NEB: variants seen among roughly 807,000 people sequenced by gnomAD.
NEB encodes nemaline myopathy type 2.
NEB carries 512 observed loss-of-function variants against 952.2 expected under a neutral mutation model. That is an observed-to-expected ratio of 0.54 (90% CI 0.50 to 0.58). The LOEUF is 0.58. NEB is among the 20% of genes least tolerant of loss of function. NEB has a pLI of 0.00. For missense variants in NEB, 8,428 were observed against 9,231.1 expected (o/e 0.91, Z 3.56); for synonymous variants, 2,900 against 3,149.8 (o/e 0.92, Z 2.66).
intron 126 of NEB, 27 bp from the exon 127 acceptor site, chr2:151,553,529 GAA>G: frequency 7.2e-7 from 1 of 1,394,228 alleles, no homozygotes; most frequent in Non-Finnish European, 9.9e-7. Flanking sequence ...GAAAGGATCA[GAA>G]AAAAAAAATT....
rs2058043130 is a variant in NEB at position 151,493,389 on chromosome 2, C to T, written c.24729G>A (p.Met8243Ile). ...TTTCTTGGTTGCGCTTAGCTCTCTC[C>T]ATCTCTGGAGTAACAGGTGTCGGAG... ...KATPTPVTPEMERAKRNQENI... is the reference protein window; with the variant it reads ...KATPTPVTPEIERAKRNQENI... The change falls in exon 176 of 182, where the codon ATG becomes ATA. Residue 8243 changes from methionine to isoleucine, a missense_variant. This residue lies in a region of NEB where 3,374 missense variants were observed against 3,651.5 expected (regional missense o/e 0.92). Coordinates refer to ENST00000397345, the MANE Select transcript of NEB (RefSeq NM_001164508.2). The T allele has an allele frequency of 6.2e-7, 1 of 1,612,286 alleles. No homozygotes were observed. The highest frequency in any genetic ancestry group is 1.3e-5 in the African/African-American group (1 of 74,866).
At chr2:151,615,333 G>A (rs2098155811) in intron 76 of NEB, among the ~76,000 whole-genome samples, 1 of 152,260 alleles carries the variant, frequency 6.6e-6, no homozygotes, top group African/African-American at 2.4e-5. Context: ...CCTTCCAGAA[G>A]AGGGAAAGTC....
At chr2:151,711,937 T>C (rs1167727221) in intron 10 of NEB, among the ~76,000 whole-genome samples, 1 of 152,208 alleles carries the variant, frequency 6.6e-6, no homozygotes, top group Non-Finnish European at 1.5e-5. Context: ...TGCTGATTGA[T>C]TTACCTGCAC....
At chr2:151,532,153 G>C (rs975156171) in intron 143 of NEB, 13 of 306,750 alleles carry the variant, frequency 4.2e-5, no homozygotes, top group African/African-American at 2.9e-4. Flanking sequence ...CTGGAGTGCA[G>C]TGGTGCGATC....
chr2:151,733,932 T>C (rs187015560), intron 1 of NEB, 137 bp from the exon 2 acceptor site: 1 of 152,308 alleles, frequency 6.6e-6, no homozygotes, highest in East Asian at 1.9e-4. Context: ...AGTAAGACTC[T>C]TGATATGAAG....
intron 77 of NEB, 28 bp from the exon 78 acceptor site, chr2:151,612,417 A>G: frequency 6.3e-7 from 1 of 1,592,580 alleles, no homozygotes; most frequent in Non-Finnish European, 8.6e-7. Flanking sequence ...TCAAATATTT[A>G]TAGATGTCAC....
chr2:151,547,862 G>T (rs973277622), intron 131 of NEB, 124 bp from the exon 132 acceptor site: 53 of 681,720 alleles, frequency 7.8e-5, no homozygotes, highest in Admixed American at 3.9e-4. Context: ...TATAGAAAAT[G>T]ATTGAGATTA....
rs2099737700 is a variant in NEB at position 151,709,567 on chromosome 2, CT to C, written c.1035+88del. On this transcript the variant is annotated intron_variant, in intron 12 of 181. Transcript: ENST00000397345. ...AGTTCCCCCAAGAACCACTCCTCCC[CT>C]TTTTTACTAATTATATACAAGAGCC... The C allele has an allele frequency of 3.9e-6, 4 of 1,018,588 alleles. No individual in the cohort carries two copies. The South Asian group carries it at 4.6e-5, about 12-fold the overall frequency. 63.1% of individuals were successfully genotyped at this position (1,018,588 alleles called of 1,614,324 possible).
Position 151,688,342 on chromosome 2 carries a change from C to T in NEB, c.2365G>A (p.Asp789Asn), listed in dbSNP as rs1247460901. The change falls in exon 25 of 182, where the codon GAT becomes AAT. Residue 789 changes from aspartate (D) to asparagine (N), a missense_variant. Around this residue, in one of 11 missense-constraint regions of NEB, gnomAD observed 2,851 missense variants for 2,791.5 expected, o/e 1.02. Coordinates refer to ENST00000397345, the MANE Select transcript of NEB (RefSeq NM_001164508.2). ...CTGTGTTGGATAAACTGTGGAGCAT[C>T]TGCTGGTATATGGCACTTGAACTTC... Reference protein sequence around the residue: ...GEKFKCHIPADAPQFIQHRVN... With the variant: ...GEKFKCHIPANAPQFIQHRVN... The T allele has an allele frequency of 6.2e-7, 1 of 1,613,820 alleles. No individual in the cohort carries two copies. The highest frequency in any genetic ancestry group is 8.5e-7 in the Non-Finnish European group (1 of 1,179,858).
intron 10 of NEB, among the ~76,000 whole-genome samples, chr2:151,713,146 A>C (rs2099749795): frequency 6.6e-6 from 1 of 152,144 alleles, no homozygotes; most frequent in Non-Finnish European, 1.5e-5. Context: ...ATGGGGCCAC[A>C]AACTGGGTAC....
At position 151,570,072 on chromosome 2, in the gene NEB, C is replaced by T. The variant is rs780361098; in HGVS notation, c.17430+9G>A. 1 of 1,597,830 alleles carries T rather than the reference C, an allele frequency of 6.3e-7. No individual in the cohort carries two copies. The highest frequency in any genetic ancestry group is 8.5e-7 in the Non-Finnish European group (1 of 1,171,786). On this transcript the variant is annotated intron_variant, in intron 109 of 181. Coordinates refer to ENST00000397345, the MANE Select transcript of NEB (RefSeq NM_001164508.2). The stretch of plus-strand genomic sequence containing the variant: ...GAAAAGAGTTCAACCCCAAATGCAG[C>T]CCACTCACATCGCTCTGCAGTTCGT...
At chr2:151,640,258 C>A in intron 61 of NEB, 97 bp downstream of exon 61, 1 of 1,544,090 alleles carries the variant, frequency 6.5e-7, no homozygotes, top group South Asian at 1.2e-5. Context: ...TTGCCTCCTC[C>A]AGGGGCTGGT....
intron 141 of NEB, 56 bp from the exon 142 acceptor site, chr2:151,535,851 A>G (rs1251748118): frequency 1.1e-6 from 1 of 892,170 alleles, no homozygotes; most frequent in Non-Finnish European, 1.8e-6. Flanking sequence ...CTTAAGAATG[A>G]GACATGCTGT....
In NEB at chr2:151,497,754, G is replaced by C. The variant is rs141503992; in HGVS notation, c.24208-36C>G. 1.5e-5 allele frequency: 24 copies of C among 1,553,394 alleles called. No homozygotes were observed. In the African/African-American group the frequency reaches 3.0e-4, roughly 19 times the overall value. On this transcript the variant is annotated intron_variant, in intron 170 of 181. Coordinates refer to ENST00000397345, the MANE Select transcript of NEB (RefSeq NM_001164508.2). ...AGAAAGCATCCAGAAAAACAACCAT[G>C]AGTAACATTTCATTTCTTGGGACTT...
At chr2:151,680,851 A>G in intron 29 of NEB, 23 bp from the exon 30 acceptor site, 1 of 1,541,490 alleles carries the variant, frequency 6.5e-7, no homozygotes. Flanking sequence ...TCAAAAAGAG[A>G]AAAACAATCT....
At chr2:151,653,933 C>T (rs1233114731) in intron 52 of NEB, 59 bp downstream of exon 52, 4 of 1,131,732 alleles carry the variant, frequency 3.5e-6, no homozygotes, top group Non-Finnish European at 5.3e-6. Flanking sequence ...TAGTTACCGA[C>T]ATTAAGTCAC....
At chr2:151,713,465 T>C (rs4374369) in intron 10 of NEB, among the ~76,000 whole-genome samples, 101,249 of 152,160 alleles carry the variant, frequency 0.67, 38,005 homozygotes, top group Non-Finnish European at 0.83. Flanking sequence ...ATGGAAGAAT[T>C]TCCATGGTTT....
At chr2:151,611,632 T>A (rs146736340) in intron 78 of NEB, among the ~76,000 whole-genome samples, 11 of 152,298 alleles carry the variant, frequency 7.2e-5, no homozygotes, top group African/African-American at 2.6e-4. Flanking sequence ...TAAAAATAGA[T>A]TGATAAAATT....
chr2:151,666,785 C>A (rs2099223907), intron 40 of NEB, among the ~76,000 whole-genome samples: 2 of 151,932 alleles, frequency 1.3e-5, no homozygotes, highest in Non-Finnish European at 2.9e-5. Context: ...AGTCATGACT[C>A]CCTGCAGCCT....
Sources: gnomAD v4.1 joint callset for allele counts (sites outside exome capture counted in the v4.1 genomes callset) on GRCh38, gnomAD v4.1.1 for gene constraint, gnomAD v4.1.1 regional missense constraint, MANE v1.5 for transcripts, NCBI Gene and HGNC (gene_info 2026-07-23, HGNC 2026-07-21) for gene names.